PTPRT: variants seen among roughly 807,000 people sequenced by gnomAD.
PTPRT encodes protein tyrosine phosphatase receptor type T, also known as receptor-type tyrosine-protein phosphatase T.
Under a neutral mutation model 176.8 loss-of-function variants are expected in PTPRT, and 56 were observed. That is an observed-to-expected ratio of 0.32 (90% CI 0.26 to 0.40). The LOEUF (loss-of-function observed/expected upper bound fraction) is 0.40, where lower values mean the gene tolerates loss of function less well. Ranked by LOEUF, PTPRT falls within the 10% of genes least tolerant of loss-of-function variation. The probability of loss-of-function intolerance (pLI) is 1.00; values close to 1 mark genes in which losing one functional copy is unlikely to be tolerated. For synonymous variants in PTPRT, 783 were observed against 739.0 expected, an observed-to-expected ratio of 1.06 and a Z score of -0.96; for missense variants, 1,540 against 1,908.2, an observed-to-expected ratio of 0.81 and a Z score of 3.60.
intron 2 of PTPRT, among the ~76,000 whole-genome samples, chr20:42,880,111 C>T (rs1029046345): frequency 1.1e-4 from 17 of 151,572 alleles, no homozygotes; most frequent in Non-Finnish European, 1.0e-4. Flanking sequence ...GAGGGGCAGG[C>T]CCGGGGGGGT....
chr20:42,103,429 C>T (rs1300957868), intron 25 of PTPRT, among the ~76,000 whole-genome samples: 3 of 152,190 alleles, frequency 2.0e-5, no homozygotes, highest in African/African-American at 4.8e-5. Flanking sequence ...GCCAATGCTG[C>T]TGGTCTCCAG....
At chr20:42,226,017 G>T (rs538555657) in intron 15 of PTPRT, among the ~76,000 whole-genome samples, 5 of 152,204 alleles carry the variant, frequency 3.3e-5, no homozygotes, top group Non-Finnish European at 2.9e-5. Context: ...TACTGGGCCC[G>T]TTAACCCATG....
chr20:42,420,327 G>A (rs1302977256), intron 9 of PTPRT, among the ~76,000 whole-genome samples: 6 of 152,028 alleles, frequency 3.9e-5, no homozygotes, highest in Non-Finnish European at 7.4e-5. Context: ...AAGGAATGCT[G>A]AACTCGTTTT....
chr20:42,980,310 C>A (rs767864945), intron 1 of PTPRT, among the ~76,000 whole-genome samples: 15 of 152,114 alleles, frequency 9.9e-5, no homozygotes, highest in Non-Finnish European at 2.2e-4. Flanking sequence ...GCCTGGGGTA[C>A]AAACATAGAT....
chr20:42,089,559 G>T (rs1177100023), intron 27 of PTPRT, among the ~76,000 whole-genome samples: 2 of 152,076 alleles, frequency 1.3e-5, no homozygotes, highest in Non-Finnish European at 2.9e-5. Flanking sequence ...CCTATATTTC[G>T]GGACACTTCT....
At chr20:42,609,275 T>C (rs1481659061) in intron 7 of PTPRT, among the ~76,000 whole-genome samples, 4 of 152,072 alleles carry the variant, frequency 2.6e-5, no homozygotes, top group African/African-American at 4.8e-5. Context: ...GATTTCACTA[T>C]GTGGGCCAGG....
chr20:42,042,102 T>A, the PTPRT span, among the ~76,000 whole-genome samples: 16 of 152,220 alleles, frequency 1.1e-4, no homozygotes, highest in Non-Finnish European at 2.2e-4. Flanking sequence ...TTACTGACTT[T>A]TCCTCTGTTC....
intron 14 of PTPRT, among the ~76,000 whole-genome samples, chr20:42,239,413 C>CTTTTTTTTTTTT (rs35978863): frequency 3.6e-4 from 29 of 81,222 alleles, no homozygotes; most frequent in East Asian, 7.3e-4. Context: ...CATTTTCTTT[C>CTTTTTTTTTTTT]TTTTTTTTTT....
intron 9 of PTPRT, among the ~76,000 whole-genome samples, chr20:42,412,517 T>C (rs1041624697): frequency 2.0e-5 from 3 of 152,240 alleles, no homozygotes; most frequent in African/African-American, 7.2e-5. Context: ...TATAAACTTA[T>C]ACTTTACATA....
rs2146064355 is a variant in PTPRT at position 42,077,027 on chromosome 20, T to A, written c.*3852A>T. ...TTCATTCACTCACTAGCTGTGGAACTGTGGGCAAGTGATTTCTCCCCTAGG... is the reference window on the plus strand; with the variant it reads ...TTCATTCACTCACTAGCTGTGGAACAGTGGGCAAGTGATTTCTCCCCTAGG... On this transcript the variant is annotated 3_prime_UTR_variant, in exon 31 of 31. Transcript: ENST00000373187. 5.3e-6 allele frequency: 1 copy of A among 187,116 alleles called. No homozygotes were observed. Among genetic ancestry groups the A allele is most frequent in the Admixed American group, 6.2e-5 (1 of 16,158 alleles). 11.6% of individuals were successfully genotyped at this position (187,116 alleles called of 1,614,324 possible).
intron 7 of PTPRT, among the ~76,000 whole-genome samples, chr20:42,675,211 C>A (rs77245575): frequency 6.6e-6 from 1 of 152,190 alleles, no homozygotes; most frequent in East Asian, 1.9e-4. Context: ...ACTTCCACAG[C>A]AAACTTCAGG....
intron 2 of PTPRT, among the ~76,000 whole-genome samples, chr20:42,880,448 T>C (rs2078997548): frequency 6.6e-6 from 1 of 152,296 alleles, no homozygotes; most frequent in Middle Eastern, 3.4e-3. Flanking sequence ...AAGAATGTCC[T>C]ACAAGTATTC....
chr20:43,127,324 G>T (rs2013482060), intron 1 of PTPRT, among the ~76,000 whole-genome samples: 1 of 151,676 alleles, frequency 6.6e-6, no homozygotes, highest in Non-Finnish European at 1.5e-5. Context: ...TCGGGAGGCT[G>T]AGGCAGGAGA....
chr20:42,057,648 G>A, the PTPRT span, among the ~76,000 whole-genome samples: 1 of 152,048 alleles, frequency 6.6e-6, no homozygotes, highest in African/African-American at 2.4e-5. Context: ...GAATGTAGTG[G>A]TGCAATTATA....
intron 9 of PTPRT, among the ~76,000 whole-genome samples, chr20:42,415,998 C>T (rs2059062743): frequency 1.3e-5 from 2 of 152,168 alleles, no homozygotes; most frequent in Non-Finnish European, 2.9e-5. Context: ...GCTTTCTCTT[C>T]CTGTAGTGGG....
chr20:42,442,475 G>A (rs2145836573), intron 9 of PTPRT, among the ~76,000 whole-genome samples: 1 of 152,304 alleles, frequency 6.6e-6, no homozygotes, highest in South Asian at 2.1e-4. Flanking sequence ...TAGCTTGTGA[G>A]ATAAATGCCA....
chr20:42,615,621 T>C (rs1270989343), intron 7 of PTPRT, among the ~76,000 whole-genome samples: 1 of 133,990 alleles, frequency 7.5e-6, no homozygotes, highest in Non-Finnish European at 1.5e-5. Flanking sequence ...TTTTTAATGA[T>C]GGCCATTCTA....
intron 7 of PTPRT, among the ~76,000 whole-genome samples, chr20:42,644,876 C>T (rs1325444489): frequency 1.3e-5 from 2 of 152,274 alleles, no homozygotes; most frequent in East Asian, 3.9e-4. Flanking sequence ...AGTATGTGCT[C>T]TTCCATTTCT....
rs371846658 is a variant in PTPRT, at chr20:42,160,137, GA to G, written c.2682+1214del. On this transcript the variant is annotated intron_variant, in intron 17 of 30. Transcript: ENST00000373187. ...AGCTGGGGCACACGCTGCATGTGAA[GA>G]AAAAAAAAAGAACAAACAACAAAAA... 4.6e-3 allele frequency among the ~76,000 whole-genome samples: 653 copies of G among 140,532 alleles called. 6 individuals carry two copies. The highest frequency in any genetic ancestry group is 4.7e-3 in the Non-Finnish European group (301 of 64,148). The allele number at this position is 140,532 out of a possible 152,430, so 92.2% of individuals were successfully genotyped here.
Sources: gnomAD v4.1 joint callset for allele counts (sites outside exome capture counted in the v4.1 genomes callset) on GRCh38, gnomAD v4.1.1 for gene constraint, MANE v1.5 for transcripts, NCBI Gene and HGNC (gene_info 2026-07-23, HGNC 2026-07-21) for gene names.